The following ESRRG variants were observed in gnomAD, a reference collection of about 807,000 sequenced individuals.
The protein encoded by ESRRG is estrogen-related receptor gamma.
Under a neutral mutation model 44.0 loss-of-function variants are expected in ESRRG, and 13 were observed. The observed-to-expected ratio is 0.30, with a 90% CI of 0.19 to 0.47. The LOEUF (loss-of-function observed/expected upper bound fraction) is 0.47, where lower values mean the gene tolerates loss of function less well. Ranked by LOEUF, ESRRG falls within the 20% of genes least tolerant of loss-of-function variation. The pLI is 1.00. For synonymous variants in ESRRG, 215 were observed against 214.6 expected (o/e 1.00, Z -0.02); for missense variants, 395 against 580.6 (o/e 0.68, Z 3.29).
intron 3 of ESRRG, among the ~76,000 whole-genome samples, chr1:216,592,721 A>G (rs1241714234): frequency 6.6e-6 from 1 of 152,034 alleles, no homozygotes; most frequent in African/African-American, 2.4e-5. Context: ...GCTGTTCTCA[A>G]ACTCCTGACC....
chr1:216,667,685 C>CAAA (rs67275285), intron 2 of ESRRG, among the ~76,000 whole-genome samples: 86 of 66,186 alleles, frequency 1.3e-3, no homozygotes, highest in African/African-American at 3.4e-3. Context: ...GACTCCATCT[C>CAAA]AAAAAAAAAA....
At position 216,949,923 on chromosome 1, in the gene ESRRG, C is replaced by T. The variant is rs576044228; in HGVS notation, c.-105-10250G>A. On this transcript the variant is annotated intron_variant, in intron 1 of 7. Transcript: ENST00000359162. Reference sequence around the variant, plus strand: ...CACATCCCGGGCTCAGGCCATTCTCCAGCCTCAGCCTCCCAAGTAGCTGGG... The same window carrying T: ...CACATCCCGGGCTCAGGCCATTCTCTAGCCTCAGCCTCCCAAGTAGCTGGG... Among the ~76,000 whole-genome samples, 440 of 152,228 alleles carry T rather than the reference C, an allele frequency of 2.9e-3. 2 individuals are homozygous for T. Among genetic ancestry groups the T allele is most frequent in the African/African-American group, 9.9e-3 (412 of 41,548 alleles).
chr1:216,519,013 G>T, intron 6 of ESRRG, 139 bp downstream of exon 6: 2 of 649,010 alleles, frequency 3.1e-6, no homozygotes, highest in Non-Finnish European at 5.2e-6. Flanking sequence ...CTTTTCACTA[G>T]AAAGCTATAC....
At chr1:217,077,626 A>G (rs940858765) in intron 1 of ESRRG, among the ~76,000 whole-genome samples, 5 of 152,216 alleles carry the variant, frequency 3.3e-5, no homozygotes, top group Non-Finnish European at 7.3e-5. Flanking sequence ...TATACAAGAC[A>G]GTAAAACACC....
chr1:217,102,061 C>T (rs1440492355), intron 1 of ESRRG, among the ~76,000 whole-genome samples: 1 of 152,214 alleles, frequency 6.6e-6, no homozygotes, highest in African/African-American at 2.4e-5. Context: ...CCGCTTCGGC[C>T]TCCCAAAGTG....
chr1:216,772,930 T>C (rs933668686), intron 2 of ESRRG, among the ~76,000 whole-genome samples: 3 of 152,060 alleles, frequency 2.0e-5, no homozygotes, highest in Non-Finnish European at 4.4e-5. Context: ...CAGAACTTTA[T>C]TGATTTCTTA....
rs545633005 is a variant in ESRRG at position 216,621,566 on chromosome 1, T to C, written c.589+29407A>G. Among the ~76,000 whole-genome samples, 120 of 152,164 alleles carry C rather than the reference T, an allele frequency of 7.9e-4. 1 individual carries two copies. The highest frequency in any genetic ancestry group is 2.4e-3 in the Admixed American group (37 of 15,272). ...CATCTCTAGTCAACATCTCAAGTTG[T>C]CCATAGTCCCATTTCTACATTGTCA... is the stretch of plus-strand genomic sequence containing the variant. On this transcript the variant is annotated intron_variant, in intron 3 of 6. Coordinates refer to ENST00000408911, the MANE Select transcript of ESRRG (RefSeq NM_001438.4).
chr1:216,561,338 G>A (rs1244332566), intron 5 of ESRRG, among the ~76,000 whole-genome samples: 1 of 151,992 alleles, frequency 6.6e-6, no homozygotes, highest in African/African-American at 2.4e-5. Context: ...AAAGATAACA[G>A]GGGCTTGAAT....
At chr1:217,060,818 A>AGATAGATAGATAGAT (rs141474357) in intron 1 of ESRRG, among the ~76,000 whole-genome samples, 57,226 of 149,930 alleles carry the variant, frequency 0.38, 12,662 homozygotes, top group Non-Finnish European at 0.5. Context: ...ATAGATAGAT[A>AGATAGATAGATAGAT]GATAGATAGA....
intron 3 of ESRRG, among the ~76,000 whole-genome samples, chr1:216,606,968 A>T (rs1408230502): frequency 2.0e-5 from 3 of 152,244 alleles, no homozygotes; most frequent in African/African-American, 7.2e-5. Flanking sequence ...ATTTATCATT[A>T]GATAAACCCA....
chr1:216,706,929 A>T (rs1406569335), intron 1 of ESRRG, among the ~76,000 whole-genome samples: 1 of 152,244 alleles, frequency 6.6e-6, no homozygotes, highest in Non-Finnish European at 1.5e-5. Context: ...CTGCAAACAG[A>T]GAACTGCTTT....
At chr1:216,715,040 G>A (rs375287321) in intron 1 of ESRRG, 4 of 979,388 alleles carry the variant, frequency 4.1e-6, no homozygotes, top group Non-Finnish European at 4.9e-6. Context: ...GAATGACTAC[G>A]AGAGAACAGA....
At chr1:216,752,153 T>C (rs917008080) in intron 2 of ESRRG, among the ~76,000 whole-genome samples, 1 of 152,080 alleles carries the variant, frequency 6.6e-6, no homozygotes, top group African/African-American at 2.4e-5. Context: ...ATTTAACAGA[T>C]TGGGAAACTG....
At chr1:216,518,629 C>T (rs925074541) in intron 6 of ESRRG, among the ~76,000 whole-genome samples, 1 of 152,150 alleles carries the variant, frequency 6.6e-6, no homozygotes, top group African/African-American at 2.4e-5. Context: ...ATGTAAAGAC[C>T]AGTTATTCCC....
chr1:216,693,611 T>C (rs1477891863), intron 1 of ESRRG, among the ~76,000 whole-genome samples: 1 of 152,260 alleles, frequency 6.6e-6, no homozygotes, highest in East Asian at 1.9e-4. Context: ...TTATTCGTAA[T>C]ACCTAATACA....
chr1:217,008,834 TC>T (rs1473045990), intron 1 of ESRRG, among the ~76,000 whole-genome samples: 1 of 152,084 alleles, frequency 6.6e-6, no homozygotes, highest in Non-Finnish European at 1.5e-5. Flanking sequence ...AGACTAGCAT[TC>T]CCCAACTAAC....
chr1:216,616,940 C>G (rs1398573416), intron 3 of ESRRG, among the ~76,000 whole-genome samples: 1 of 152,142 alleles, frequency 6.6e-6, no homozygotes, highest in Admixed American at 6.5e-5. Context: ...ATAGGAATCT[C>G]CTGTCACCTC....
chr1:216,543,745 T>C (rs547053687), intron 5 of ESRRG, among the ~76,000 whole-genome samples: 95 of 152,140 alleles, frequency 6.2e-4, no homozygotes, highest in African/African-American at 2.2e-3. Context: ...TTCTACACTT[T>C]GCAGGATTTT....
At chr1:216,615,008 G>T (rs1014939441) in intron 3 of ESRRG, among the ~76,000 whole-genome samples, 2 of 152,136 alleles carry the variant, frequency 1.3e-5, no homozygotes, top group Non-Finnish European at 2.9e-5. Flanking sequence ...TAGGCGGCTT[G>T]GTCATAAGGA....
Sources: gnomAD v4.1 joint callset for allele counts (sites outside exome capture counted in the v4.1 genomes callset) on GRCh38, gnomAD v4.1.1 for gene constraint, MANE v1.5 for transcripts, NCBI Gene and HGNC (gene_info 2026-07-23, HGNC 2026-07-21) for gene names.